The following HDHD2 variants were observed in gnomAD, a reference collection of about 807,000 sequenced individuals.
HDHD2 encodes haloacid dehalogenase like hydrolase domain containing 2, also known as haloacid dehalogenase-like hydrolase domain-containing protein 2.
A neutral mutation model predicts 24.8 loss-of-function variants in HDHD2; 26 were observed. The observed-to-expected ratio is 1.05, with a 90% CI of 0.77 to 1.45. The LOEUF is 1.45. HDHD2 is among the 40% of genes most tolerant of loss of function. HDHD2 has a pLI of 0.00. For missense variants in HDHD2, 299 were observed against 313.4 expected (o/e 0.95, Z 0.35); for synonymous variants, 128 against 114.9 (o/e 1.11, Z -0.73).
chr18:47,135,871 T>C (rs1396903238), intron 2 of HDHD2, among the ~76,000 whole-genome samples: 1 of 152,194 alleles, frequency 6.6e-6, no homozygotes, highest in African/African-American at 2.4e-5. Flanking sequence ...TAAAAGTGTT[T>C]AGTTGATGGA....
intron 6 of HDHD2, chr18:47,111,759 A>C (rs1487801893): frequency 1.0e-6 from 1 of 985,026 alleles, no homozygotes; most frequent in Admixed American, 6.2e-5. Context: ...TTCTTATTCA[A>C]TTGTAGCTCC....
chr18:47,109,934 C>T, intron 6 of HDHD2: 1 of 974,058 alleles, frequency 1.0e-6, no homozygotes, highest in Non-Finnish European at 1.2e-6. Flanking sequence ...AGTAACTATC[C>T]TATAAATATC....
At chr18:47,118,691 T>C (rs1415009849) in intron 4 of HDHD2, among the ~76,000 whole-genome samples, 4 of 152,202 alleles carry the variant, frequency 2.6e-5, no homozygotes, top group Non-Finnish European at 4.4e-5. Context: ...CGTTTACCTA[T>C]GTAACAACTC....
chr18:47,115,369 A>G (rs1568044262), intron 4 of HDHD2, 21 bp from the exon 5 acceptor site: 3 of 1,586,134 alleles, frequency 1.9e-6, no homozygotes, highest in Non-Finnish European at 2.6e-6. Context: ...CAACAACAAA[A>G]AAAACAAATT....
chr18:47,136,484 T>G (rs368452624), intron 1 of HDHD2, 35 bp from the exon 2 acceptor site: 22 of 1,574,756 alleles, frequency 1.4e-5, no homozygotes, highest in Non-Finnish European at 1.8e-5. Flanking sequence ...AAATACAGTT[T>G]AGGAAACAAT....
intron 1 of HDHD2, chr18:47,137,056 GAAC>G (rs1200340971): frequency 6.9e-6 from 5 of 724,340 alleles, no homozygotes; most frequent in South Asian, 2.7e-5. Flanking sequence ...TCAAAACTGA[GAAC>G]AACGATCATA....
At chr18:47,108,857 C>G (rs900773298) in intron 6 of HDHD2, 72 bp from the exon 7 acceptor site, 14 of 860,932 alleles carry the variant, frequency 1.6e-5, no homozygotes, top group Admixed American at 1.3e-4. Flanking sequence ...CCATGAGCAC[C>G]TGGGTCATCA....
At chr18:47,121,898 G>A (rs1340436834) in intron 4 of HDHD2, among the ~76,000 whole-genome samples, 1 of 152,060 alleles carries the variant, frequency 6.6e-6, no homozygotes, top group East Asian at 1.9e-4. Context: ...CATTTGTCAG[G>A]TTTCAGCTTA....
chr18:47,143,664 T>C (rs1158986062), intron 1 of HDHD2, among the ~76,000 whole-genome samples: 3 of 152,210 alleles, frequency 2.0e-5, no homozygotes, highest in Admixed American at 1.3e-4. Context: ...GAGCCATACA[T>C]GAAAATCAGC....
At chr18:47,112,580 G>C (rs952997736) in intron 6 of HDHD2, among the ~76,000 whole-genome samples, 3 of 152,294 alleles carry the variant, frequency 2.0e-5, no homozygotes, top group African/African-American at 7.2e-5. Flanking sequence ...CAAAGAATCA[G>C]ATCACTTAGC....
chr18:47,116,247 G>A (rs550109045), intron 4 of HDHD2, among the ~76,000 whole-genome samples: 5 of 152,174 alleles, frequency 3.3e-5, no homozygotes, highest in African/African-American at 7.2e-5. Context: ...AATAGCATGC[G>A]GGACATGATA....
chr18:47,149,201 T>G (rs1273631223), intron 1 of HDHD2: 3 of 152,166 alleles, frequency 2.0e-5, no homozygotes, highest in Admixed American at 6.5e-5. Context: ...AAAGCATTAG[T>G]ATAACTTGAG....
chr18:47,140,831 T>C (rs1272751701), intron 1 of HDHD2, among the ~76,000 whole-genome samples: 1 of 118,594 alleles, frequency 8.4e-6, no homozygotes, highest in Non-Finnish European at 1.9e-5. Flanking sequence ...ACTTTCTTAA[T>C]TCTAAAATAA....
chr18:47,121,247 G>C (rs2063603760), intron 4 of HDHD2, among the ~76,000 whole-genome samples: 1 of 152,116 alleles, frequency 6.6e-6, no homozygotes, highest in African/African-American at 2.4e-5. Context: ...TGCAGATTAA[G>C]TACTGGTCAA....
intron 4 of HDHD2, among the ~76,000 whole-genome samples, chr18:47,117,089 CT>C (rs1269198865): frequency 6.6e-6 from 1 of 152,162 alleles, no homozygotes; most frequent in Non-Finnish European, 1.5e-5. Context: ...ATAAGCTTTA[CT>C]GAATCTTTGA....
At chr18:47,147,749 T>C (rs2063886574) in intron 1 of HDHD2, among the ~76,000 whole-genome samples, 1 of 152,186 alleles carries the variant, frequency 6.6e-6, no homozygotes, top group Non-Finnish European at 1.5e-5. Flanking sequence ...GGCTTAATGT[T>C]ACCAAAACAT....
chr18:47,134,711 A>G lies in HDHD2; in HGVS notation c.102-7T>C. 1 of 1,611,058 alleles carries G rather than the reference A, an allele frequency of 6.2e-7. No homozygotes were observed. Among genetic ancestry groups the G allele is most frequent in the Non-Finnish European group, 8.5e-7 (1 of 1,178,066 alleles). On this transcript the variant is annotated splice_polypyrimidine_tract_variant and splice_region_variant and intron_variant, in intron 2 of 6. Coordinates refer to ENST00000300605, the MANE Select transcript of HDHD2 (RefSeq NM_032124.5). ...TACAGAAGCACCACGTAACCTGGAGAGGGCCAAATTCAGAAGTCAAAAGGC... is the reference window on the plus strand; with the variant it reads ...TACAGAAGCACCACGTAACCTGGAGGGGGCCAAATTCAGAAGTCAAAAGGC...
intron 1 of HDHD2, among the ~76,000 whole-genome samples, chr18:47,140,820 A>G (rs1208000646): frequency 2.7e-5 from 4 of 145,742 alleles, no homozygotes; most frequent in Admixed American, 1.4e-4. Flanking sequence ...CCTGGCCCCA[A>G]ACTTTCTTAA....
intron 3 of HDHD2, 22 bp from the exon 4 acceptor site, chr18:47,130,350 G>A (rs1443961334): frequency 6.8e-7 from 1 of 1,469,260 alleles, no homozygotes. Flanking sequence ...AAAAAAAAAT[G>A]ATTGTTGCAA....
Sources: gnomAD v4.1 joint callset for allele counts (sites outside exome capture counted in the v4.1 genomes callset) on GRCh38, gnomAD v4.1.1 for gene constraint, MANE v1.5 for transcripts, NCBI Gene and HGNC (gene_info 2026-07-23, HGNC 2026-07-21) for gene names.